The following USH1C variants were observed in gnomAD, a reference collection of about 807,000 sequenced individuals.
USH1C encodes USH1 protein network component harmonin.
In USH1C, 90 loss-of-function variants were observed where a neutral mutation model predicts 119.3. That is an observed-to-expected ratio of 0.75 (90% confidence interval 0.64 to 0.90). The LOEUF (loss-of-function observed/expected upper bound fraction) is 0.90. Among genes scored for constraint, USH1C ranks in the 40% least tolerant of loss-of-function variants. USH1C has a pLI of 0.00. For missense variants in USH1C, 1,165 were observed against 1,167.7 expected, an observed-to-expected ratio of 1.00 and a Z score of 0.03; for synonymous variants, 465 against 443.3, an observed-to-expected ratio of 1.05 and a Z score of -0.62.
intron 23 of USH1C, 127 bp downstream of exon 23, chr11:17,500,924 C>T (rs745915930): frequency 1.9e-5 from 15 of 789,456 alleles, no homozygotes; most frequent in Non-Finnish European, 3.0e-5. Flanking sequence ...GATGGATGGA[C>T]CCGAGTGGGA....
chr11:17,498,580 G>A (rs1414597932), intron 23 of USH1C, among the ~76,000 whole-genome samples: 2 of 152,168 alleles, frequency 1.3e-5, no homozygotes, highest in Non-Finnish European at 2.9e-5. Flanking sequence ...TGAGGCCTGA[G>A]TCAATTCTGC....
At chr11:17,504,725 A>T (rs1290446735) in intron 19 of USH1C, 28 bp from the exon 20 acceptor site, 1 of 1,611,564 alleles carries the variant, frequency 6.2e-7, no homozygotes, top group African/African-American at 1.3e-5. Context: ...AAAAAGTTCC[A>T]CATTGGATGT....
chr11:17,515,382 G>A (rs1287012965), intron 15 of USH1C, among the ~76,000 whole-genome samples: 1 of 152,198 alleles, frequency 6.6e-6, no homozygotes, highest in African/African-American at 2.4e-5. Flanking sequence ...GAGGAAGGGG[G>A]TAGATTTTCC....
intron 15 of USH1C, among the ~76,000 whole-genome samples, chr11:17,515,395 G>T (rs1013589306): frequency 6.6e-6 from 1 of 152,116 alleles, no homozygotes; most frequent in Non-Finnish European, 1.5e-5. Context: ...GATTTTCCTG[G>T]CACAGTTAAT....
intron 11 of USH1C, 103 bp from the exon 12 acceptor site, chr11:17,523,029 A>G (rs911898748): frequency 1.9e-6 from 3 of 1,589,218 alleles, no homozygotes; most frequent in East Asian, 4.5e-5. Flanking sequence ...CAGCACCATC[A>G]GGCACTGCGG....
At chr11:17,497,862 T>C (rs1273226847) in intron 24 of USH1C, among the ~76,000 whole-genome samples, 12 of 152,236 alleles carry the variant, frequency 7.9e-5, no homozygotes, top group Non-Finnish European at 4.4e-5. Flanking sequence ...TCTTGTTCAG[T>C]GTGCACTTAG....
chr11:17,505,433 C>G (rs1849611783), intron 19 of USH1C, among the ~76,000 whole-genome samples: 2 of 152,392 alleles, frequency 1.3e-5, no homozygotes, highest in Middle Eastern at 6.8e-3. Context: ...CCTGGGGAAC[C>G]TGGTGCCCCT....
intron 1 of USH1C, among the ~76,000 whole-genome samples, chr11:17,534,873 C>CA (rs59152937): frequency 0.34 from 40,607 of 120,142 alleles, 7,225 homozygotes; most frequent in Non-Finnish European, 0.42. Flanking sequence ...GACTCCATCT[C>CA]AAAAAAAAAA....
At chr11:17,526,502 G>T in intron 7 of USH1C, 61 bp from the exon 8 acceptor site, 1 of 1,471,720 alleles carries the variant, frequency 6.8e-7, no homozygotes, top group Non-Finnish European at 9.4e-7. Context: ...GGCCTCTTGA[G>T]CTTGTGGGAT....
In USH1C at chr11:17,517,706, G is replaced by T. The variant is rs536848579; in HGVS notation, c.1211-1416C>A. Among the ~76,000 whole-genome samples the T allele has an allele frequency of 3.3e-5, 5 of 152,280 alleles. No homozygotes were observed. The South Asian group carries it at 1.0e-3, about 32-fold the overall frequency. ...CTTTAGTTTTTCTGTCTGTACAAAG[G>T]GCTAACAACAGGAAACTCAGATCTG... On this transcript the variant is annotated intron_variant, in intron 14 of 26. Transcript: ENST00000005226.
intron 20 of USH1C, 136 bp downstream of exon 20, chr11:17,504,511 C>G: frequency 1.0e-6 from 1 of 965,418 alleles, no homozygotes; most frequent in Non-Finnish European, 1.7e-6. Flanking sequence ...GAGGACACAG[C>G]TCTGGCCTGA....
chr11:17,539,833 C>CTTTTTTTTTTTTTTTTTTTTTTT (rs34881002), intron 1 of USH1C, among the ~76,000 whole-genome samples: 1 of 126,202 alleles, frequency 7.9e-6, no homozygotes, highest in Non-Finnish European at 1.6e-5. Flanking sequence ...CTTTCTTTTT[C>CTTTTTTTTTTTTTTTTTTTTTTT]TTTTTTTTTT....
Position 17,521,021 on chromosome 11 carries a change from C to A in USH1C, c.1086-27G>T, listed in dbSNP as rs1182029293. 9 of 1,613,692 alleles carry A rather than the reference C, an allele frequency of 5.6e-6. No homozygotes were observed. The Admixed American group carries it at 1.5e-4, about 27-fold the overall frequency. On this transcript the variant is annotated intron_variant, in intron 13 of 26. Coordinates refer to ENST00000005226, the MANE Select transcript of USH1C (RefSeq NM_153676.4). ...TAAAATGAGACCCCCATGCCTGTTA[C>A]TGGAGTCAGAACCCCCATAGGCCCA...
intron 1 of USH1C, among the ~76,000 whole-genome samples, chr11:17,542,504 G>A (rs182136721): frequency 9.2e-5 from 14 of 152,360 alleles, no homozygotes; most frequent in African/African-American, 3.1e-4. Flanking sequence ...TGACTGTTGC[G>A]ATGAGGAAGA....
chr11:17,494,578 G>A (rs528802019), intron 26 of USH1C: 508 of 636,640 alleles, frequency 8.0e-4, no homozygotes, highest in Non-Finnish European at 1.2e-3. Flanking sequence ...GGGAGAAAGC[G>A]GGAGGGACAC....
intron 14 of USH1C, among the ~76,000 whole-genome samples, chr11:17,518,176 G>C (rs1171612648): frequency 6.6e-6 from 1 of 152,246 alleles, no homozygotes; most frequent in Non-Finnish European, 1.5e-5. Flanking sequence ...CTATGCAAAG[G>C]CTGTTAAGTT....
At chr11:17,526,837 G>A in intron 6 of USH1C, 27 bp from the exon 7 acceptor site, 1 of 1,606,076 alleles carries the variant, frequency 6.2e-7, no homozygotes, top group African/African-American at 1.4e-5. Context: ...ATAGATGGGA[G>A]GGTGGTTAGC....
At chr11:17,528,783 A>G (rs1366926203) in intron 4 of USH1C, among the ~76,000 whole-genome samples, 1 of 152,204 alleles carries the variant, frequency 6.6e-6, no homozygotes, top group East Asian at 1.9e-4. Context: ...AGGAGTGGCC[A>G]AGGGCTCAAA....
intron 4 of USH1C, among the ~76,000 whole-genome samples, chr11:17,527,748 C>T (rs1315991697): frequency 6.6e-6 from 1 of 152,204 alleles, no homozygotes; most frequent in East Asian, 1.9e-4. Flanking sequence ...CCAACCCACC[C>T]CTAGGAAGTT....
Sources: gnomAD v4.1 joint callset for allele counts (sites outside exome capture counted in the v4.1 genomes callset) on GRCh38, gnomAD v4.1.1 for gene constraint, MANE v1.5 for transcripts, NCBI Gene and HGNC (gene_info 2026-07-23, HGNC 2026-07-21) for gene names.